LUZP2: variants seen among roughly 807,000 people sequenced by gnomAD.
The protein encoded by LUZP2 is leucine zipper protein 2.
LUZP2 carries 52 observed loss-of-function variants against 51.6 expected under a neutral mutation model. That is an observed-to-expected ratio of 1.01 (90% CI 0.81 to 1.27). The LOEUF is 1.27. Among genes scored for constraint, LUZP2 ranks in the 50% most tolerant of loss-of-function variants. The pLI is 0.00. For synonymous variants in LUZP2, 154 were observed against 137.3 expected, an observed-to-expected ratio of 1.12 and a Z score of -0.85; for missense variants, 436 against 395.4, an observed-to-expected ratio of 1.10 and a Z score of -0.87.
At chr11:24,607,705 G>T (rs1307784928) in intron 1 of LUZP2, among the ~76,000 whole-genome samples, 1 of 152,018 alleles carries the variant, frequency 6.6e-6, no homozygotes, top group African/African-American at 2.4e-5. Flanking sequence ...GATCGCATTG[G>T]ATCTGTTGGG....
rs973593509 is a variant in LUZP2 at position 24,665,122 on chromosome 11, G to T, written c.63-64047G>T. ...GGGCAGAGCTGCTCAAGACAGAGAG[G>T]CCACTTCTTGCATCAGCATGATCTG... On this transcript the variant is annotated intron_variant, in intron 1 of 11. Transcript: ENST00000336930. Among the ~76,000 whole-genome samples, 5 of 152,122 alleles carry T rather than the reference G, an allele frequency of 3.3e-5. 1 individual carries two copies. Among genetic ancestry groups the T allele is most frequent in the Admixed American group, 1.3e-4 (2 of 15,244 alleles).
chr11:24,655,937 C>A (rs1855786741), intron 1 of LUZP2, among the ~76,000 whole-genome samples: 1 of 152,146 alleles, frequency 6.6e-6, no homozygotes, highest in South Asian at 2.1e-4. Context: ...TAAAGATTAT[C>A]CTTGTTTTAC....
chr11:24,572,602 T>C (rs981895), intron 1 of LUZP2, among the ~76,000 whole-genome samples: 59,561 of 151,896 alleles, frequency 0.39, 12,019 homozygotes, highest in Middle Eastern at 0.52. Context: ...GTAAAACTAC[T>C]CTGTGCAAGG....
chr11:24,898,346 C>T (rs1024352492), intron 5 of LUZP2, among the ~76,000 whole-genome samples: 5 of 152,194 alleles, frequency 3.3e-5, no homozygotes, highest in Middle Eastern at 3.4e-3. Context: ...AGTTTAAGGC[C>T]GGGCGCGGTG....
At chr11:24,677,107 A>AATAT (rs35541693) in intron 1 of LUZP2, among the ~76,000 whole-genome samples, 5 of 151,948 alleles carry the variant, frequency 3.3e-5, no homozygotes, top group African/African-American at 1.2e-4. Context: ...GTATATATCA[A>AATAT]ATATATATCA....
At chr11:24,792,323 AG>A (rs1849431265) in intron 5 of LUZP2, among the ~76,000 whole-genome samples, 1 of 151,868 alleles carries the variant, frequency 6.6e-6, no homozygotes, top group Non-Finnish European at 1.5e-5. Context: ...GCTACTTGGG[AG>A]GCTGAGGCAG....
At chr11:25,013,898 T>G (rs919289215) in intron 9 of LUZP2, among the ~76,000 whole-genome samples, 1 of 151,878 alleles carries the variant, frequency 6.6e-6, no homozygotes. Flanking sequence ...ATCCCTCCCC[T>G]GTCCCCCCAC....
chr11:24,981,140 G>A (rs1856015337), intron 8 of LUZP2, among the ~76,000 whole-genome samples: 1 of 151,828 alleles, frequency 6.6e-6, no homozygotes, highest in Non-Finnish European at 1.5e-5. Context: ...TGCCATCGTG[G>A]TGTAAAATCA....
intron 1 of LUZP2, among the ~76,000 whole-genome samples, chr11:24,606,768 A>G (rs923369625): frequency 1.3e-5 from 2 of 152,054 alleles, no homozygotes; most frequent in African/African-American, 2.4e-5. Context: ...ACTTCCATCA[A>G]CAATGTAAAG....
intron 9 of LUZP2, among the ~76,000 whole-genome samples, chr11:25,000,024 G>T (rs12785638): frequency 1.2e-5 from 1 of 82,704 alleles, no homozygotes; most frequent in African/African-American, 2.9e-5. Context: ...CTGCTGATTG[G>T]TCCATTTTAC....
At chr11:24,873,913 A>G (rs1420569666) in intron 5 of LUZP2, among the ~76,000 whole-genome samples, 1 of 152,166 alleles carries the variant, frequency 6.6e-6, no homozygotes, top group Non-Finnish European at 1.5e-5. Flanking sequence ...GTGAAACTTA[A>G]CTGGTTTTAA....
intron 6 of LUZP2, 59 bp from the exon 7 acceptor site, chr11:24,914,417 A>G: frequency 8.0e-7 from 1 of 1,247,808 alleles, no homozygotes; most frequent in Non-Finnish European, 1.2e-6. Context: ...AAGTATTTTA[A>G]TCTTCAAGTT....
In LUZP2 at chr11:24,983,146, G is replaced by T. The variant is rs2133914522; in HGVS notation, c.618G>T (p.Met206Ile). Residue 206 changes from methionine to isoleucine, a missense_variant, in exon 9 of 12, where the codon ATG (methionine) becomes ATT (isoleucine). Physicochemically the swap from Met to Ile is conservative, Grantham distance 10. Transcript: ENST00000336930. ...TGTAGGAGTCACAGATGAAAGCAAT[G>T]AAAGAGACTGTGCAGCTCTGCTTGA... ...ALDRESQMKAMKETVQLCLTS... is the reference protein window; with the variant it reads ...ALDRESQMKAIKETVQLCLTS... 1 of 1,611,732 alleles carries T rather than the reference G, an allele frequency of 6.2e-7. No individual in the cohort carries two copies. The highest frequency in any genetic ancestry group is 2.2e-5 in the East Asian group (1 of 44,792).
chr11:24,824,188 A>G (rs768181400), intron 5 of LUZP2, among the ~76,000 whole-genome samples: 1 of 150,844 alleles, frequency 6.6e-6, no homozygotes, highest in Non-Finnish European at 1.5e-5. Context: ...ACATGGAGAA[A>G]TCTCATCTCT....
chr11:24,607,833 T>TTA (rs1554962799), intron 1 of LUZP2, among the ~76,000 whole-genome samples: 2 of 144,254 alleles, frequency 1.4e-5, no homozygotes, highest in South Asian at 2.2e-4. Flanking sequence ...TATTTTATTT[T>TTA]TTTTTTTCAT....
chr11:25,060,990 T>A (rs1858818500), intron 10 of LUZP2, among the ~76,000 whole-genome samples: 1 of 152,216 alleles, frequency 6.6e-6, no homozygotes, highest in Non-Finnish European at 1.5e-5. Flanking sequence ...TGTCAAAATT[T>A]AACATTGGCA....
At chr11:24,617,333 T>G (rs1334918467) in intron 1 of LUZP2, among the ~76,000 whole-genome samples, 1 of 152,186 alleles carries the variant, frequency 6.6e-6, no homozygotes, top group Non-Finnish European at 1.5e-5. Context: ...TTCACCTGAT[T>G]TGTGGCTACC....
intron 7 of LUZP2, among the ~76,000 whole-genome samples, chr11:24,926,525 ATG>A (rs1251331926): frequency 4.8e-5 from 7 of 146,756 alleles, no homozygotes; most frequent in South Asian, 2.1e-4. Flanking sequence ...ACGTGTATAT[ATG>A]TGTGTGTATA....
intron 5 of LUZP2, among the ~76,000 whole-genome samples, chr11:24,897,491 G>A (rs1054836059): frequency 2.0e-5 from 3 of 152,110 alleles, no homozygotes; most frequent in African/African-American, 7.2e-5. Context: ...AACTCTGGAC[G>A]GGAGGAACAA....
Sources: gnomAD v4.1 joint callset for allele counts (sites outside exome capture counted in the v4.1 genomes callset) on GRCh38, gnomAD v4.1.1 for gene constraint, MANE v1.5 for transcripts, NCBI Gene and HGNC (gene_info 2026-07-23, HGNC 2026-07-21) for gene names.